Variants in ANKRD42 observed in about 807,000 individuals in gnomAD.
ANKRD42 encodes ankyrin repeat domain-containing protein 42.
In ANKRD42, 43 loss-of-function variants were observed where a neutral mutation model predicts 51.5. That is an observed-to-expected ratio of 0.83 (90% CI 0.65 to 1.08). ANKRD42 has a LOEUF of 1.08. Ranked by LOEUF, ANKRD42 falls within the 50% of genes least tolerant of loss-of-function variation. The pLI, the probability that ANKRD42 is intolerant of heterozygous loss-of-function variation, is 0.00. For missense variants in ANKRD42, 608 were observed against 629.3 expected (o/e 0.97, Z 0.36); for synonymous variants, 203 against 213.0 (o/e 0.95, Z 0.41).
At chr11:83,210,744 G>A (rs536654921) in intron 4 of ANKRD42, among the ~76,000 whole-genome samples, 1 of 152,260 alleles carries the variant, frequency 6.6e-6, no homozygotes, top group African/African-American at 2.4e-5. Context: ...GAATTTTTGT[G>A]TGTCTACCTA....
chr11:83,199,131 A>G (rs1590959070), intron 2 of ANKRD42, among the ~76,000 whole-genome samples: 1 of 152,284 alleles, frequency 6.6e-6, no homozygotes, highest in East Asian at 1.9e-4. Context: ...CTTGGAGTGG[A>G]TAATAAAATG....
At chr11:83,215,607 T>C (rs746140483) in intron 5 of ANKRD42, among the ~76,000 whole-genome samples, 1 of 152,212 alleles carries the variant, frequency 6.6e-6, no homozygotes, top group Non-Finnish European at 1.5e-5. Flanking sequence ...TTAGTAAATA[T>C]AGGTTTTTGC....
intron 7 of ANKRD42, among the ~76,000 whole-genome samples, chr11:83,235,867 T>G (rs1292500876): frequency 6.6e-6 from 1 of 152,176 alleles, no homozygotes; most frequent in African/African-American, 2.4e-5. Flanking sequence ...TTTAGGTAAT[T>G]AAGTGTGGCT....
chr11:83,213,079 T>G, intron 5 of ANKRD42: 2 of 1,600,510 alleles, frequency 1.2e-6, no homozygotes, highest in Non-Finnish European at 1.7e-6. Context: ...GGCACCAGAC[T>G]GACTGATATG....
chr11:83,201,449 G>A (rs7116890), intron 2 of ANKRD42, among the ~76,000 whole-genome samples: 3,207 of 152,216 alleles, frequency 0.021, 117 homozygotes, highest in African/African-American at 0.07. Flanking sequence ...TAGCGCTGCA[G>A]TAAACATACA....
downstream of ANKRD42, chr11:83,259,287 A>G (rs1863832246): frequency 6.6e-6 from 1 of 152,174 alleles, no homozygotes; most frequent in South Asian, 2.1e-4. Context: ...CTTATTTCAT[A>G]TATTTCCATC....
intron 5 of ANKRD42, chr11:83,212,803 T>G: frequency 2.3e-5 from 34 of 1,487,324 alleles, no homozygotes; most frequent in Non-Finnish European, 3.0e-5. Flanking sequence ...AGGTCGTCTT[T>G]CAGTGTTCAT....
intron 2 of ANKRD42, among the ~76,000 whole-genome samples, chr11:83,202,988 ATTTTTTT>A (rs750379636): frequency 8.4e-6 from 1 of 118,986 alleles, no homozygotes; most frequent in African/African-American, 3.2e-5. Flanking sequence ...TGTTGGTTGG[ATTTTTTT>A]TTTTTTTTTT....
At chr11:83,244,543 T>A (rs1338186690) in intron 9 of ANKRD42, among the ~76,000 whole-genome samples, 1 of 152,198 alleles carries the variant, frequency 6.6e-6, no homozygotes, top group Non-Finnish European at 1.5e-5. Flanking sequence ...CTTTTCTGTG[T>A]GCACTGTGAG....
intron 1 of ANKRD42, among the ~76,000 whole-genome samples, chr11:83,196,086 C>A (rs946016604): frequency 6.6e-6 from 1 of 152,152 alleles, no homozygotes; most frequent in Admixed American, 6.5e-5. Context: ...TCATGATCTG[C>A]CCACCTCGGC....
At chr11:83,243,907 G>T (rs2135554558) in intron 9 of ANKRD42, among the ~76,000 whole-genome samples, 1 of 147,122 alleles carries the variant, frequency 6.8e-6, no homozygotes, top group African/African-American at 2.5e-5. Flanking sequence ...CTCGTGATCT[G>T]CCTGCCTCGG....
Position 83,224,964 on chromosome 11 carries a change from A to G in ANKRD42, c.696A>G (p.Val232=). ...LKAFNDNGEN[V]LDLAQRFFKQ... ...CTTTCAATGATAATGGAGAAAATGT[A>G]CTGGATTTGGCCCAGAGGTTCTTCA... Residue 232 remains valine, a synonymous_variant, in exon 6 of 11, where the codon GTA becomes GTG. Transcript: ENST00000533342. 5 of 1,613,762 alleles carry G rather than the reference A, an allele frequency of 3.1e-6. No homozygotes were observed. Among genetic ancestry groups the G allele is most frequent in the African/African-American group, 1.3e-5 (1 of 75,054 alleles).
chr11:83,242,585 T>TTTTTTTTTTTTTTTTTG (rs1863425813), intron 9 of ANKRD42, among the ~76,000 whole-genome samples: 1 of 143,892 alleles, frequency 6.9e-6, no homozygotes, highest in African/African-American at 2.6e-5. Context: ...TTTTTTTTTT[T>TTTTTTTTTTTTTTTTTG]AGATGGAGTC....
downstream of ANKRD42, among the ~76,000 whole-genome samples, chr11:83,249,283 G>A (rs1051089147): frequency 7.9e-5 from 12 of 152,172 alleles, no homozygotes; most frequent in Non-Finnish European, 1.5e-4. Context: ...ATAGGGCACT[G>A]TAGCCTCGAA....
At chr11:83,198,380 G>C in intron 1 of ANKRD42, 99 bp from the exon 2 acceptor site, 1 of 1,209,118 alleles carries the variant, frequency 8.3e-7, no homozygotes, top group Non-Finnish European at 1.1e-6. Context: ...TATTTGGAAA[G>C]CCAAAGTAAT....
rs116027561 is a variant in ANKRD42, at chr11:83,209,045, A to G, written c.331-1255A>G. Reference sequence around the variant, plus strand: ...ATTCAGATGGAACCTCTTTAGATGTAGTTAGAAACTTGATTTGGAGCTTAG... The same window carrying G: ...ATTCAGATGGAACCTCTTTAGATGTGGTTAGAAACTTGATTTGGAGCTTAG... On this transcript the variant is annotated intron_variant, in intron 3 of 10. Coordinates refer to ENST00000533342, the MANE Select transcript of ANKRD42 (RefSeq NM_001300975.2). 3.1e-3 allele frequency among the ~76,000 whole-genome samples: 471 copies of G among 152,340 alleles called. 1 individual carries two copies. Among genetic ancestry groups the G allele is most frequent in the Middle Eastern group, 0.024 (7 of 294 alleles).
intron 9 of ANKRD42, among the ~76,000 whole-genome samples, chr11:83,243,700 T>TC (rs1863456738): frequency 6.6e-6 from 1 of 152,110 alleles, no homozygotes; most frequent in African/African-American, 2.4e-5. Context: ...GTCTTGCTCT[T>TC]GCCCAGGCTG....
At chr11:83,218,651 C>T (rs980008471) in intron 5 of ANKRD42, among the ~76,000 whole-genome samples, 5 of 152,250 alleles carry the variant, frequency 3.3e-5, no homozygotes, top group African/African-American at 1.2e-4. Context: ...AGTTTGGGTG[C>T]CTGGCTTGCA....
downstream of ANKRD42, among the ~76,000 whole-genome samples, chr11:83,251,751 A>G (rs941425819): frequency 6.6e-6 from 1 of 152,198 alleles, no homozygotes; most frequent in African/African-American, 2.4e-5. Flanking sequence ...TAATTTACTT[A>G]TGAAAACTTA....
Sources: gnomAD v4.1 joint callset for allele counts (sites outside exome capture counted in the v4.1 genomes callset) on GRCh38, gnomAD v4.1.1 for gene constraint, MANE v1.5 for transcripts, NCBI Gene and HGNC (gene_info 2026-07-23, HGNC 2026-07-21) for gene names.